The following NR6A1 variants were observed in gnomAD, a reference collection of about 807,000 sequenced individuals.
The protein encoded by NR6A1 is retinoic acid receptor-related testis-associated receptor.
Under a neutral mutation model 59.1 loss-of-function variants are expected in NR6A1, and 7 were observed. That is an observed-to-expected ratio of 0.12 (90% CI 0.07 to 0.22). NR6A1 has a LOEUF of 0.22. NR6A1 is among the 10% of genes least tolerant of loss of function. NR6A1 has a pLI of 1.00. For synonymous variants in NR6A1, 243 were observed against 236.1 expected (o/e 1.03, Z -0.27); for missense variants, 468 against 611.6 (o/e 0.77, Z 2.48).
At chr9:124,759,995 G>T (rs981000044) in intron 1 of NR6A1, among the ~76,000 whole-genome samples, 1 of 149,038 alleles carries the variant, frequency 6.7e-6, no homozygotes, top group Non-Finnish European at 1.5e-5. Context: ...AGCCAAGATC[G>T]CACCACTGCA....
intron 2 of NR6A1, among the ~76,000 whole-genome samples, chr9:124,648,380 G>A (rs928830696): frequency 2.0e-5 from 3 of 152,070 alleles, no homozygotes; most frequent in Admixed American, 6.6e-5. Context: ...TTTAAAAGAT[G>A]CTAAAAAGTA....
chr9:124,547,906 AT>A (rs1833648063), intron 3 of NR6A1, among the ~76,000 whole-genome samples: 2 of 152,188 alleles, frequency 1.3e-5, no homozygotes, highest in African/African-American at 4.8e-5. Context: ...TAAAATTGCT[AT>A]AAAGGACACT....
At chr9:124,719,684 C>T (rs1034984750) in intron 2 of NR6A1, among the ~76,000 whole-genome samples, 5 of 152,042 alleles carry the variant, frequency 3.3e-5, no homozygotes, top group Admixed American at 6.6e-5. Context: ...TCTGGGAAGC[C>T]GAGGTGCGCG....
chr9:124,649,252 A>AAAAAAAAAAAAAC, intron 2 of NR6A1, among the ~76,000 whole-genome samples: 1 of 151,282 alleles, frequency 6.6e-6, no homozygotes, highest in South Asian at 2.1e-4. Flanking sequence ...AAAAAAAAAA[A>AAAAAAAAAAAAAC]AAAGACACAT....
At chr9:124,699,079 C>A (rs953487043) in intron 2 of NR6A1, among the ~76,000 whole-genome samples, 2 of 152,154 alleles carry the variant, frequency 1.3e-5, no homozygotes, top group Non-Finnish European at 2.9e-5. Flanking sequence ...AGCCAGTCAC[C>A]CTGTTTAAGT....
intron 2 of NR6A1, among the ~76,000 whole-genome samples, chr9:124,687,668 A>C (rs1838380240): frequency 6.6e-6 from 1 of 152,214 alleles, no homozygotes; most frequent in Non-Finnish European, 1.5e-5. Context: ...CTCCTTTATG[A>C]CCAGTACCTT....
intron 2 of NR6A1, among the ~76,000 whole-genome samples, chr9:124,702,664 A>G (rs933977003): frequency 6.6e-6 from 1 of 151,960 alleles, no homozygotes; most frequent in Non-Finnish European, 1.5e-5. Flanking sequence ...TTGTTTACAG[A>G]GCCTGGCACC....
chr9:124,627,989 GT>G (rs775323388), intron 2 of NR6A1, among the ~76,000 whole-genome samples: 1 of 149,006 alleles, frequency 6.7e-6, no homozygotes, highest in Non-Finnish European at 1.5e-5. Context: ...TGTGTAGAGA[GT>G]GAAGGGGACT....
chr9:124,624,908 GC>G (rs1836188393), intron 2 of NR6A1, among the ~76,000 whole-genome samples: 1 of 122,492 alleles, frequency 8.2e-6, no homozygotes, highest in Non-Finnish European at 1.6e-5. Flanking sequence ...TCTGTTGCTA[GC>G]TTGTTTTTTT....
At chr9:124,612,818 T>C (rs955505610) in intron 2 of NR6A1, among the ~76,000 whole-genome samples, 6 of 139,716 alleles carry the variant, frequency 4.3e-5, no homozygotes, top group African/African-American at 1.6e-4. Context: ...TCTTTCTTTC[T>C]TTTCTTTCTT....
At chr9:124,737,067 C>T (rs563278882) in intron 1 of NR6A1, among the ~76,000 whole-genome samples, 1 of 152,266 alleles carries the variant, frequency 6.6e-6, no homozygotes, top group African/African-American at 2.4e-5. Flanking sequence ...TCACTAATGT[C>T]ACTTTGGTTA....
intron 2 of NR6A1, among the ~76,000 whole-genome samples, chr9:124,726,204 T>C (rs1839712740): frequency 1.3e-5 from 2 of 152,198 alleles, no homozygotes; most frequent in African/African-American, 2.4e-5. Flanking sequence ...AAGTAGTGAC[T>C]GTAACTGTGT....
intron 1 of NR6A1, among the ~76,000 whole-genome samples, chr9:124,760,774 A>G (rs1011130780): frequency 1.3e-5 from 2 of 152,274 alleles, no homozygotes; most frequent in Admixed American, 6.5e-5. Context: ...ATGTTAAATG[A>G]GAACACTAAA....
At chr9:124,586,496 T>G (rs1203364348) in intron 2 of NR6A1, among the ~76,000 whole-genome samples, 1 of 152,086 alleles carries the variant, frequency 6.6e-6, no homozygotes. Flanking sequence ...CAGGCTGGAC[T>G]GCAGTGGTGT....
intron 2 of NR6A1, among the ~76,000 whole-genome samples, chr9:124,592,061 G>T (rs1835140053): frequency 6.6e-6 from 1 of 152,114 alleles, no homozygotes; most frequent in Non-Finnish European, 1.5e-5. Context: ...TGGTCGCGGG[G>T]TGGGAGATTG....
chr9:124,638,264 A>T (rs1213978401), intron 2 of NR6A1, among the ~76,000 whole-genome samples: 1 of 129,802 alleles, frequency 7.7e-6, no homozygotes, highest in Non-Finnish European at 1.6e-5. Context: ...TTTGGTGTTT[A>T]AAAAAAAAAA....
chr9:124,721,232 A>G (rs1462871704), intron 2 of NR6A1, among the ~76,000 whole-genome samples: 1 of 152,156 alleles, frequency 6.6e-6, no homozygotes, highest in Non-Finnish European at 1.5e-5. Context: ...CTTTTCATCA[A>G]CTGTAAACAA....
chr9:124,594,021 T>A (rs557955362), intron 2 of NR6A1, among the ~76,000 whole-genome samples: 1 of 152,330 alleles, frequency 6.6e-6, no homozygotes, highest in East Asian at 1.9e-4. Context: ...AACATTTGTA[T>A]GCCCAGCTGT....
chr9:124,671,900 G>C (rs1031438005), intron 2 of NR6A1, among the ~76,000 whole-genome samples: 25 of 152,156 alleles, frequency 1.6e-4, no homozygotes, highest in African/African-American at 5.8e-4. Flanking sequence ...ACATACCTAG[G>C]AAACCAACAT....
Sources: allele counts gnomAD v4.1 joint callset (sites outside exome capture counted in the v4.1 genomes callset), GRCh38; gene constraint gnomAD v4.1.1; transcripts MANE v1.5; gene names NCBI Gene and HGNC (gene_info 2026-07-23, HGNC 2026-07-21).